The following CACNA2D3 variants were observed in gnomAD, a reference collection of about 807,000 sequenced individuals.
CACNA2D3 encodes the protein voltage-dependent calcium channel subunit alpha-2/delta-3.
CACNA2D3 carries 60 observed loss-of-function variants against 160.6 expected under a neutral mutation model. The observed-to-expected ratio is 0.37, with a 90% CI of 0.30 to 0.46. The LOEUF is 0.46. Ranked by LOEUF, CACNA2D3 falls within the 20% of genes least tolerant of loss-of-function variation. CACNA2D3 has a pLI of 1.00. For missense variants in CACNA2D3, 1,205 were observed against 1,365.0 expected, an observed-to-expected ratio of 0.88 and a Z score of 1.85; for synonymous variants, 558 against 492.9, an observed-to-expected ratio of 1.13 and a Z score of -1.75.
intron 2 of CACNA2D3, among the ~76,000 whole-genome samples, chr3:54,141,571 T>G (rs1278550856): frequency 6.6e-6 from 1 of 152,218 alleles, no homozygotes; most frequent in African/African-American, 2.4e-5. Flanking sequence ...TTTGTATTCT[T>G]TTTTAAAAAG....
At chr3:55,063,390 GAA>G (rs5849070) in intron 35 of CACNA2D3, among the ~76,000 whole-genome samples, 1 of 122,084 alleles carries the variant, frequency 8.2e-6, no homozygotes, top group Non-Finnish European at 1.9e-5. Flanking sequence ...AAGCTTAAAA[GAA>G]AAAAAAAAAA....
intron 2 of CACNA2D3, among the ~76,000 whole-genome samples, chr3:54,142,062 C>T (rs553997456): frequency 7.9e-5 from 12 of 152,234 alleles, no homozygotes; most frequent in South Asian, 6.2e-4. Context: ...GGTCTGGGTT[C>T]GGAGGAGGCT....
At chr3:54,664,164 G>C (rs1002087012) in intron 11 of CACNA2D3, among the ~76,000 whole-genome samples, 3 of 152,224 alleles carry the variant, frequency 2.0e-5, no homozygotes, top group African/African-American at 2.4e-5. Flanking sequence ...TTTCTGGAAT[G>C]CTATCTTGGA....
intron 13 of CACNA2D3, among the ~76,000 whole-genome samples, chr3:54,809,218 G>C (rs1433082366): frequency 1.4e-5 from 2 of 147,204 alleles, no homozygotes; most frequent in South Asian, 4.4e-4. Context: ...CTTTCCTTCT[G>C]CTCTCATTTC....
intron 10 of CACNA2D3, chr3:54,632,809 T>C (rs1699272368): frequency 6.6e-6 from 1 of 152,218 alleles, no homozygotes; most frequent in Non-Finnish European, 1.5e-5. Context: ...AAGAAGTTCC[T>C]GGAATAAGCA....
intron 5 of CACNA2D3, among the ~76,000 whole-genome samples, chr3:54,541,431 G>C (rs779935785): frequency 3.3e-5 from 5 of 152,068 alleles, no homozygotes; most frequent in African/African-American, 9.7e-5. Context: ...CAACAACCAC[G>C]AGAAGCTAGG....
chr3:54,687,135 G>GTTTTTTTTTTTTTTTTTTTTTTTTTTT (rs1290353261), intron 11 of CACNA2D3, among the ~76,000 whole-genome samples: 1 of 88,896 alleles, frequency 1.1e-5, no homozygotes, highest in Non-Finnish European at 2.2e-5. Flanking sequence ...TTTTTTTTTT[G>GTTTTTTTTTTTTTTTTTTTTTTTTTTT]TTTTTTTTTT....
At chr3:54,666,355 T>A (rs1700069283) in intron 11 of CACNA2D3, among the ~76,000 whole-genome samples, 1 of 152,216 alleles carries the variant, frequency 6.6e-6, no homozygotes, top group South Asian at 2.1e-4. Flanking sequence ...AAATATGTCA[T>A]TGGTGACCTA....
intron 3 of CACNA2D3, among the ~76,000 whole-genome samples, chr3:54,327,868 C>T (rs911600729): frequency 1.3e-5 from 2 of 151,960 alleles, no homozygotes; most frequent in Admixed American, 6.6e-5. Context: ...TTGGATTATT[C>T]TTTCTTGTAA....
At chr3:55,017,015 A>C (rs1315768380) in intron 34 of CACNA2D3, among the ~76,000 whole-genome samples, 1 of 152,232 alleles carries the variant, frequency 6.6e-6, no homozygotes, top group Non-Finnish European at 1.5e-5. Context: ...ATCTCCCCGT[A>C]GTTCTGCCCA....
At chr3:54,444,566 C>G (rs1228894149) in intron 4 of CACNA2D3, among the ~76,000 whole-genome samples, 2 of 152,130 alleles carry the variant, frequency 1.3e-5, no homozygotes, top group African/African-American at 4.8e-5. Context: ...CTCATTTTGC[C>G]CATGGATGGC....
At chr3:54,276,529 C>T (rs1334381559) in intron 2 of CACNA2D3, among the ~76,000 whole-genome samples, 15 of 147,530 alleles carry the variant, frequency 1.0e-4, no homozygotes, top group African/African-American at 3.5e-4. Flanking sequence ...GCCAAGATCA[C>T]GTGGCTGCAC....
intron 4 of CACNA2D3, among the ~76,000 whole-genome samples, chr3:54,464,585 G>A (rs539505238): frequency 2.6e-5 from 4 of 152,164 alleles, no homozygotes; most frequent in Admixed American, 6.5e-5. Flanking sequence ...AGCCAAGTGC[G>A]GGATATAATC....
chr3:54,694,089 G>T (rs565967827), intron 11 of CACNA2D3, among the ~76,000 whole-genome samples: 2 of 152,272 alleles, frequency 1.3e-5, no homozygotes, highest in East Asian at 3.9e-4. Context: ...CTCACCTAGG[G>T]CAACTTCCAG....
chr3:54,402,569 A>G (rs956202307), intron 4 of CACNA2D3, among the ~76,000 whole-genome samples: 1 of 152,234 alleles, frequency 6.6e-6, no homozygotes, highest in African/African-American at 2.4e-5. Flanking sequence ...TAAAGGGCTC[A>G]ATTCATCAAG....
At chr3:54,827,767 C>A (rs1270843027) in intron 14 of CACNA2D3, among the ~76,000 whole-genome samples, 2 of 152,166 alleles carry the variant, frequency 1.3e-5, no homozygotes, top group Non-Finnish European at 2.9e-5. Flanking sequence ...GCCTTCTTTA[C>A]TCCCTGGGCC....
intron 10 of CACNA2D3, chr3:54,638,642 G>A (rs1226314763): frequency 5.9e-5 from 9 of 152,054 alleles, no homozygotes; most frequent in Non-Finnish European, 1.2e-4. Flanking sequence ...GGGAAAGAAG[G>A]AAGATTTGGG....
intron 14 of CACNA2D3, among the ~76,000 whole-genome samples, chr3:54,830,293 G>C (rs1271127449): frequency 6.6e-6 from 1 of 151,820 alleles, no homozygotes; most frequent in African/African-American, 2.4e-5. Flanking sequence ...ATAATGTCTC[G>C]TCTGATTTAT....
intron 3 of CACNA2D3, among the ~76,000 whole-genome samples, chr3:54,333,738 A>G (rs1233375533): frequency 6.6e-6 from 1 of 152,232 alleles, no homozygotes; most frequent in Non-Finnish European, 1.5e-5. Flanking sequence ...ATTTTCAGCT[A>G]CATTTAGCAG....
Sources: gnomAD v4.1 joint callset for allele counts (sites outside exome capture counted in the v4.1 genomes callset) on GRCh38, gnomAD v4.1.1 for gene constraint, MANE v1.5 for transcripts, NCBI Gene and HGNC (gene_info 2026-07-23, HGNC 2026-07-21) for gene names.